Variants in FGF12 observed in about 807,000 individuals in gnomAD.
The protein encoded by FGF12 is fibroblast growth factor 12B.
FGF12 carries 14 observed loss-of-function variants against 23.6 expected under a neutral mutation model. The observed-to-expected ratio is 0.59, with a 90% CI of 0.39 to 0.93. The LOEUF (loss-of-function observed/expected upper bound fraction) is 0.93, where lower values mean the gene tolerates loss of function less well. FGF12 is among the 40% of genes least tolerant of loss of function. The pLI, the probability that FGF12 is intolerant of heterozygous loss-of-function variation, is 0.00. For missense variants in FGF12, 175 were observed against 217.8 expected (o/e 0.80, Z 1.24); for synonymous variants, 62 against 77.3 (o/e 0.80, Z 1.04).
At chr3:192,540,139 A>G (rs1033247744) in intron 2 of FGF12, among the ~76,000 whole-genome samples, 2 of 151,672 alleles carry the variant, frequency 1.3e-5, no homozygotes, top group Admixed American at 1.3e-4. Flanking sequence ...TTTCACATTC[A>G]CTTATTTCTA....
At position 192,142,443 on chromosome 3, in the gene FGF12, C is replaced by T. The variant is rs1332813833; in HGVS notation, c.*1566G>A. 1 of 151,890 alleles carries T rather than the reference C, an allele frequency of 6.6e-6. No homozygotes were observed. Among genetic ancestry groups the T allele is most frequent in the Non-Finnish European group, 1.5e-5 (1 of 67,792 alleles). The allele number at this position is 151,890 out of a possible 1,614,324, so 9.4% of individuals were successfully genotyped here. On this transcript the variant is annotated 3_prime_UTR_variant, in exon 6 of 6. Coordinates refer to ENST00000445105, the MANE Select transcript of FGF12 (RefSeq NM_004113.6). ...TAGGAGAAGTTACATGCTATGTCTT[C>T]TCATTGATAATATCCATAAATCTGC...
At chr3:192,208,237 T>G (rs1717750721) in intron 4 of FGF12, among the ~76,000 whole-genome samples, 2 of 152,254 alleles carry the variant, frequency 1.3e-5, no homozygotes, top group South Asian at 4.1e-4. Flanking sequence ...TTCGATGTGA[T>G]TTATAGAAAC....
chr3:192,512,841 T>A (rs865864298), intron 2 of FGF12, among the ~76,000 whole-genome samples: 4 of 119,386 alleles, frequency 3.4e-5, no homozygotes, highest in African/African-American at 1.2e-4. Flanking sequence ...AATAAATATA[T>A]ATATATATAT....
chr3:192,222,246 AC>A (rs1421759963), intron 4 of FGF12, among the ~76,000 whole-genome samples: 2 of 152,132 alleles, frequency 1.3e-5, no homozygotes, highest in Non-Finnish European at 2.9e-5. Context: ...CTTAGGTTCA[AC>A]AAAGAACGCT....
chr3:192,397,328 T>A lies in FGF12; in HGVS notation c.14-36790A>T, dbSNP rs80326574. On this transcript the variant is annotated intron_variant, in intron 2 of 5. Transcript: ENST00000445105. ...CAAGGAGGCAATGAGGAATCCTCTC[T>A]ACTTTCCCGAAAAGAAAATAGATCT... 2.6e-4 allele frequency among the ~76,000 whole-genome samples: 39 copies of A among 152,336 alleles called. 1 individual carries two copies. In the East Asian group the frequency reaches 6.2e-3, roughly 24 times the overall value.
At chr3:192,638,548 C>T (rs1237678006) in intron 2 of FGF12, among the ~76,000 whole-genome samples, 2 of 152,226 alleles carry the variant, frequency 1.3e-5, no homozygotes, top group Non-Finnish European at 2.9e-5. Context: ...TTCAAAATTA[C>T]TGCCATTATA....
intron 2 of FGF12, among the ~76,000 whole-genome samples, chr3:192,398,749 G>T (rs773088347): frequency 6.6e-6 from 1 of 152,114 alleles, no homozygotes; most frequent in Non-Finnish European, 1.5e-5. Flanking sequence ...TGGCAGAGTA[G>T]AAAGAAAAGT....
Position 192,540,685 on chromosome 3 carries a change from T to C in FGF12, c.14-180147A>G, listed in dbSNP as rs78821886. On this transcript the variant is annotated intron_variant, in intron 2 of 5. Coordinates refer to ENST00000445105, the MANE Select transcript of FGF12 (RefSeq NM_004113.6). ...TATTGTGCAGATTAAGCCAGATGTT[T>C]CCTTGCTAATTTTCCGTGAGGATGA... Among the ~76,000 whole-genome samples, 1,513 of 152,288 alleles carry C rather than the reference T, an allele frequency of 9.9e-3. 13 individuals carry two copies. Among genetic ancestry groups the C allele is most frequent in the Non-Finnish European group, 0.017 (1,135 of 67,996 alleles).
At chr3:192,584,282 T>C (rs1278848599) in intron 2 of FGF12, among the ~76,000 whole-genome samples, 1 of 143,014 alleles carries the variant, frequency 7.0e-6, no homozygotes, top group African/African-American at 2.5e-5. Context: ...GCCGTTTTCT[T>C]TGTTGTATGC....
intron 2 of FGF12, among the ~76,000 whole-genome samples, chr3:192,476,319 G>GA (rs530670764): frequency 0.015 from 2,295 of 150,322 alleles, 47 homozygotes; most frequent in African/African-American, 0.051. Context: ...GTTTACAGAT[G>GA]AAAAAAAAAT....
At chr3:192,193,701 AT>A (rs1327173694) in intron 4 of FGF12, among the ~76,000 whole-genome samples, 3 of 152,008 alleles carry the variant, frequency 2.0e-5, no homozygotes, top group Non-Finnish European at 2.9e-5. Context: ...CTCTATACCT[AT>A]CTTGGAATGA....
chr3:192,463,878 A>C (rs1722932386), intron 2 of FGF12, among the ~76,000 whole-genome samples: 1 of 152,146 alleles, frequency 6.6e-6, no homozygotes, highest in East Asian at 1.9e-4. Context: ...CTGCAAAACA[A>C]CATGCTTTAT....
At chr3:192,249,671 T>C (rs1020004458) in intron 4 of FGF12, among the ~76,000 whole-genome samples, 7 of 152,192 alleles carry the variant, frequency 4.6e-5, no homozygotes, top group African/African-American at 1.7e-4. Flanking sequence ...ATTCTTTTGA[T>C]GAGTTGAGAC....
At chr3:192,429,793 G>GAA (rs34269435) in intron 2 of FGF12, among the ~76,000 whole-genome samples, 3 of 151,576 alleles carry the variant, frequency 2.0e-5, no homozygotes, top group Non-Finnish European at 2.9e-5. Context: ...CGCCATTCTG[G>GAA]AAAAAAAATG....
At chr3:192,420,618 T>C (rs573844019) in intron 2 of FGF12, among the ~76,000 whole-genome samples, 15 of 152,292 alleles carry the variant, frequency 9.8e-5, no homozygotes, top group African/African-American at 3.6e-4. Context: ...GCTCCCTCTC[T>C]AGCCATGTGG....
chr3:192,530,871 A>G (rs909578413), intron 2 of FGF12, among the ~76,000 whole-genome samples: 1 of 152,124 alleles, frequency 6.6e-6, no homozygotes, highest in African/African-American at 2.4e-5. Flanking sequence ...CTGGCATGCA[A>G]TGGAGCAATC....
In FGF12 at chr3:192,351,878, G is replaced by A. The variant is rs575530795; in HGVS notation, c.124+8550C>T. Among the ~76,000 whole-genome samples the A allele has an allele frequency of 4.6e-5, 7 of 152,262 alleles. No homozygotes were observed. In the East Asian group the frequency reaches 1.4e-3, roughly 29 times the overall value. On this transcript the variant is annotated intron_variant, in intron 3 of 5. Transcript: ENST00000445105. ...TAAAGAAGACCTCACATGGACAAAA[G>A]AAACAAGAGTTGAGGAGGGTTTTGA...
Position 192,415,776 on chromosome 3 carries a change from A to ACACACACT in FGF12, c.14-55239_14-55238insAGTGTGTG, listed in dbSNP as rs1048145236. Among the ~76,000 whole-genome samples, 856 of 143,382 alleles carry ACACACACT rather than the reference A, an allele frequency of 6.0e-3. 7 individuals carry two copies. The highest frequency in any genetic ancestry group is 0.012 in the African/African-American group (448 of 38,674). 94.1% of individuals were successfully genotyped at this position (143,382 alleles called of 152,430 possible). A position where few individuals can be genotyped will look rare whatever the true frequency, so the allele number is the denominator to read the frequency against. ...CACACACACACACACACACACACAC[A>ACACACACT]CTCATGTTCACAGAAGAAAAGGAAT... is the stretch of plus-strand genomic sequence containing the variant. On this transcript the variant is annotated intron_variant, in intron 2 of 5. Coordinates refer to ENST00000445105, the MANE Select transcript of FGF12 (RefSeq NM_004113.6).
chr3:192,460,663 C>T (rs913822331), intron 2 of FGF12, among the ~76,000 whole-genome samples: 2 of 139,728 alleles, frequency 1.4e-5, no homozygotes, highest in Admixed American at 1.4e-4. Flanking sequence ...TATACATATA[C>T]ACACACACAC....
Sources: gnomAD v4.1 joint callset for allele counts (sites outside exome capture counted in the v4.1 genomes callset) on GRCh38, gnomAD v4.1.1 for gene constraint, MANE v1.5 for transcripts, NCBI Gene and HGNC (gene_info 2026-07-23, HGNC 2026-07-21) for gene names.